GPHN: variants seen among roughly 807,000 people sequenced by gnomAD.
GPHN encodes gephyrin.
Under a neutral mutation model 95.5 loss-of-function variants are expected in GPHN, and 17 were observed. The ratio of observed to expected loss-of-function variants is 0.18; its 90% CI spans 0.12 to 0.27. GPHN has a LOEUF of 0.27. Among genes scored for constraint, GPHN ranks in the 10% least tolerant of loss-of-function variants. GPHN has a pLI of 1.00. For missense variants in GPHN, 660 were observed against 978.1 expected (o/e 0.67, Z 4.34); for synonymous variants, 320 against 322.5 (o/e 0.99, Z 0.08).
the GPHN span, chr14:67,586,196 C>G: frequency 7.3e-7 from 1 of 1,368,832 alleles, no homozygotes; most frequent in Non-Finnish European, 1.0e-6. Flanking sequence ...CTGCAAGGGC[C>G]CTGCCCAGAT....
the GPHN span, among the ~76,000 whole-genome samples, chr14:67,702,208 A>G: frequency 6.6e-6 from 1 of 152,024 alleles, no homozygotes; most frequent in Admixed American, 6.6e-5. Context: ...AGCTCAAGTG[A>G]TTCTCCCACC....
the GPHN span, among the ~76,000 whole-genome samples, chr14:67,556,074 C>T: frequency 6.6e-6 from 1 of 152,178 alleles, no homozygotes. Context: ...AGCAAGTGGG[C>T]ATAGTAGTCC....
At chr14:67,349,003 T>TC in the GPHN span, 34 of 1,592,342 alleles carry the variant, frequency 2.1e-5, no homozygotes, top group Non-Finnish European at 2.9e-5. Flanking sequence ...ACCTCTTTTC[T>TC]CCCCAAAGGG....
intron 1 of GPHN, among the ~76,000 whole-genome samples, chr14:66,609,406 G>T (rs2062687836): frequency 6.6e-6 from 1 of 152,048 alleles, no homozygotes; most frequent in Non-Finnish European, 1.5e-5. Flanking sequence ...TGGTGAATCT[G>T]ATGTCTGTGT....
intron 21 of GPHN, among the ~76,000 whole-genome samples, chr14:67,170,349 C>T (rs1319965166): frequency 6.6e-6 from 1 of 151,998 alleles, no homozygotes; most frequent in African/African-American, 2.4e-5. Context: ...GTATTCTGAT[C>T]AAGTCAGAAG....
chr14:67,561,237 G>C, the GPHN span, among the ~76,000 whole-genome samples: 1 of 152,176 alleles, frequency 6.6e-6, no homozygotes, highest in Non-Finnish European at 1.5e-5. Context: ...CAATAAAAGT[G>C]TGTTGGACTT....
At chr14:66,675,291 C>A (rs1278576945) in intron 1 of GPHN, among the ~76,000 whole-genome samples, 3 of 151,944 alleles carry the variant, frequency 2.0e-5, no homozygotes, top group Non-Finnish European at 4.4e-5. Context: ...ACTATAGGCA[C>A]GTACCACCAC....
chr14:66,965,509 C>T (rs1362847932), intron 9 of GPHN, among the ~76,000 whole-genome samples, 184 bp downstream of exon 9: 3 of 152,156 alleles, frequency 2.0e-5, no homozygotes, highest in East Asian at 1.9e-4. Context: ...ACTAGTAGGA[C>T]AATACAGATT....
At chr14:67,597,057 TG>T in the GPHN span, among the ~76,000 whole-genome samples, 3 of 152,262 alleles carry the variant, frequency 2.0e-5, no homozygotes, top group Non-Finnish European at 4.4e-5. Context: ...GCCTGTGGTC[TG>T]GTTTTGTCTG....
the GPHN span, among the ~76,000 whole-genome samples, chr14:67,252,592 T>C: frequency 6.6e-6 from 1 of 152,166 alleles, no homozygotes; most frequent in East Asian, 1.9e-4. Flanking sequence ...GCCATTAGCT[T>C]GTGGGATCTG....
chr14:66,533,983 C>T (rs185769306), intron 1 of GPHN, among the ~76,000 whole-genome samples: 3 of 152,188 alleles, frequency 2.0e-5, no homozygotes, highest in East Asian at 3.9e-4. Flanking sequence ...TTTGAGCTTA[C>T]GTATCTAAAT....
chr14:67,444,902 G>A, the GPHN span, among the ~76,000 whole-genome samples: 2 of 152,164 alleles, frequency 1.3e-5, no homozygotes, highest in South Asian at 4.1e-4. Context: ...TGGGACTACA[G>A]GCAGGTGCCA....
the GPHN span, among the ~76,000 whole-genome samples, chr14:67,236,775 A>ATTATT: frequency 7.3e-3 from 1,102 of 150,830 alleles, 13 homozygotes; most frequent in Middle Eastern, 0.021. Flanking sequence ...TTGTTATTTT[A>ATTATT]TTATTTTATT....
At chr14:66,844,600 G>C (rs1204052774) in intron 4 of GPHN, among the ~76,000 whole-genome samples, 2 of 152,094 alleles carry the variant, frequency 1.3e-5, no homozygotes, top group Non-Finnish European at 2.9e-5. Flanking sequence ...TAGATTTAGG[G>C]ATACGGAAAA....
intron 1 of GPHN, among the ~76,000 whole-genome samples, chr14:66,607,394 G>A (rs1263846058): frequency 6.7e-6 from 1 of 149,110 alleles, no homozygotes; most frequent in Non-Finnish European, 1.5e-5. Flanking sequence ...GTATTTTTGT[G>A]TTTTTTTTTG....
chr14:67,302,211 A>G, the GPHN span: 2 of 1,346,830 alleles, frequency 1.5e-6, no homozygotes, highest in Non-Finnish European at 2.0e-6. Context: ...TAATGAATAG[A>G]GTATTTCTGA....
chr14:66,689,931 G>A (rs1457908736), intron 2 of GPHN, among the ~76,000 whole-genome samples: 1 of 151,486 alleles, frequency 6.6e-6, no homozygotes. Flanking sequence ...GTTTATTTGG[G>A]TCTTTTCTCT....
chr14:67,551,266 C>T, the GPHN span, among the ~76,000 whole-genome samples: 1,097 of 152,280 alleles, frequency 7.2e-3, 15 homozygotes, highest in African/African-American at 0.025. Flanking sequence ...ACTAGTCATG[C>T]TGAGACAACA....
intron 8 of GPHN, among the ~76,000 whole-genome samples, chr14:66,941,615 T>G (rs1439666242): frequency 6.6e-6 from 1 of 152,020 alleles, no homozygotes; most frequent in Non-Finnish European, 1.5e-5. Context: ...CTCAATTGGC[T>G]TTTATGAGCT....
Sources: allele counts gnomAD v4.1 joint callset (sites outside exome capture counted in the v4.1 genomes callset), GRCh38; gene constraint gnomAD v4.1.1; transcripts MANE v1.5; gene names NCBI Gene and HGNC (gene_info 2026-07-23, HGNC 2026-07-21).